INPP4B: variants seen among roughly 807,000 people sequenced by gnomAD.
The protein encoded by INPP4B is inositol polyphosphate-4-phosphatase type II B, also known as inositol polyphosphate 4-phosphatase type II.
INPP4B carries 55 observed loss-of-function variants against 122.5 expected under a neutral mutation model. The observed-to-expected ratio is 0.45, with a 90% CI of 0.36 to 0.56. The LOEUF is 0.56. Among genes scored for constraint, INPP4B ranks in the 20% least tolerant of loss-of-function variants. The pLI is 0.00. For missense variants in INPP4B, 1,000 were observed against 1,097.7 expected, an observed-to-expected ratio of 0.91 and a Z score of 1.26; for synonymous variants, 403 against 388.7, an observed-to-expected ratio of 1.04 and a Z score of -0.43.
At chr4:142,377,577 G>C (rs1792420421) in intron 7 of INPP4B, among the ~76,000 whole-genome samples, 1 of 152,026 alleles carries the variant, frequency 6.6e-6, no homozygotes, top group Admixed American at 6.6e-5. Context: ...GGCTCAAGAA[G>C]ACACAACCAT....
At chr4:142,527,518 G>A (rs1266120585) in intron 2 of INPP4B, among the ~76,000 whole-genome samples, 9 of 152,018 alleles carry the variant, frequency 5.9e-5, no homozygotes, top group Admixed American at 1.3e-4. Flanking sequence ...GTGAAGCAAC[G>A]TTTCAACAGT....
rs144009268 is a variant in INPP4B, at chr4:142,131,248, T to C, written c.1721-6488A>G. Among the ~76,000 whole-genome samples the C allele has an allele frequency of 4.5e-3, 685 of 152,304 alleles. 18 individuals are homozygous for C. The highest frequency in any genetic ancestry group is 0.039 in the Admixed American group (598 of 15,286). On this transcript the variant is annotated intron_variant, in intron 18 of 25. Transcript: ENST00000262992. ...TTTGAGCAACCTGAAATTATCAATATGTCTACATCAGTGAGCTCCTGTCAT... is the reference window on the plus strand; with the variant it reads ...TTTGAGCAACCTGAAATTATCAATACGTCTACATCAGTGAGCTCCTGTCAT...
At chr4:142,602,340 A>C (rs1003832973) in intron 2 of INPP4B, among the ~76,000 whole-genome samples, 4 of 152,304 alleles carry the variant, frequency 2.6e-5, no homozygotes, top group Middle Eastern at 3.4e-3. Flanking sequence ...GAGGACACAA[A>C]TAGAAAAACA....
chr4:142,366,780 T>C (rs1476410893), intron 7 of INPP4B, among the ~76,000 whole-genome samples: 1 of 152,132 alleles, frequency 6.6e-6, no homozygotes, highest in Non-Finnish European at 1.5e-5. Flanking sequence ...TTTGTCAGTA[T>C]CTCTGTCAGC....
At chr4:142,496,768 T>G (rs1822625503) in intron 2 of INPP4B, 1 of 152,192 alleles carries the variant, frequency 6.6e-6, no homozygotes, top group Non-Finnish European at 1.5e-5. Flanking sequence ...TACTCATGCT[T>G]TCAATTATTC....
At chr4:142,554,651 G>A (rs1233178903) in intron 2 of INPP4B, among the ~76,000 whole-genome samples, 1 of 152,134 alleles carries the variant, frequency 6.6e-6, no homozygotes, top group African/African-American at 2.4e-5. Context: ...TTAAACTAGT[G>A]TCTTTGTGTT....
intron 2 of INPP4B, among the ~76,000 whole-genome samples, chr4:142,498,274 T>C (rs2149809491): frequency 6.6e-6 from 1 of 151,634 alleles, no homozygotes; most frequent in East Asian, 2.0e-4. Flanking sequence ...AATAAGTCAG[T>C]GTCAAAAATG....
At chr4:142,098,542 G>C (rs376639441) in intron 23 of INPP4B, among the ~76,000 whole-genome samples, 17 of 152,068 alleles carry the variant, frequency 1.1e-4, no homozygotes, top group Non-Finnish European at 1.8e-4. Context: ...AGGTAAGAAG[G>C]GTTTTGCACA....
intron 2 of INPP4B, among the ~76,000 whole-genome samples, chr4:142,560,947 T>C (rs912040163): frequency 3.9e-5 from 6 of 152,210 alleles, no homozygotes; most frequent in African/African-American, 1.2e-4. Context: ...CAGTCTCACA[T>C]AGGTTGATAA....
intron 1 of INPP4B, among the ~76,000 whole-genome samples, chr4:142,804,538 G>A (rs992812696): frequency 2.0e-5 from 3 of 152,072 alleles, no homozygotes; most frequent in South Asian, 4.1e-4. Flanking sequence ...AGTTACAACC[G>A]TCCTACCCTC....
At chr4:142,778,484 A>G (rs1184398816) in intron 1 of INPP4B, among the ~76,000 whole-genome samples, 1 of 152,196 alleles carries the variant, frequency 6.6e-6, no homozygotes, top group Non-Finnish European at 1.5e-5. Context: ...AAATTCTGAA[A>G]CATCTCAAGG....
At chr4:142,519,326 T>C (rs1424106726) in intron 2 of INPP4B, among the ~76,000 whole-genome samples, 1 of 152,184 alleles carries the variant, frequency 6.6e-6, no homozygotes, top group African/African-American at 2.4e-5. Context: ...ATGTTTAATC[T>C]TCATTAATAT....
intron 14 of INPP4B, among the ~76,000 whole-genome samples, chr4:142,202,380 G>A (rs984277207): frequency 3.9e-5 from 6 of 152,056 alleles, no homozygotes; most frequent in Non-Finnish European, 8.8e-5. Flanking sequence ...ATTTCAAAAT[G>A]GCATGTAATA....
chr4:142,057,819 A>G (rs1758500598), intron 25 of INPP4B, among the ~76,000 whole-genome samples: 1 of 152,140 alleles, frequency 6.6e-6, no homozygotes, highest in Admixed American at 6.6e-5. Context: ...CAGTGCCTAC[A>G]ATTTAGCAAA....
chr4:142,705,561 C>A (rs1199759743), intron 2 of INPP4B, among the ~76,000 whole-genome samples: 1 of 151,742 alleles, frequency 6.6e-6, no homozygotes, highest in Non-Finnish European at 1.5e-5. Flanking sequence ...ATTCTACCAC[C>A]CTCGATCATA....
At chr4:142,499,856 C>T (rs1452988532) in intron 2 of INPP4B, among the ~76,000 whole-genome samples, 2 of 152,108 alleles carry the variant, frequency 1.3e-5, no homozygotes, top group Non-Finnish European at 2.9e-5. Context: ...TATAAACTCC[C>T]TACCTTTACT....
At chr4:142,094,322 C>A (rs1201350501) in intron 23 of INPP4B, among the ~76,000 whole-genome samples, 1 of 152,154 alleles carries the variant, frequency 6.6e-6, no homozygotes, top group African/African-American at 2.4e-5. Flanking sequence ...ACTCAAGTGG[C>A]CTAGGTGCTG....
At chr4:142,255,470 C>G (rs2150290868) in intron 11 of INPP4B, among the ~76,000 whole-genome samples, 1 of 152,190 alleles carries the variant, frequency 6.6e-6, no homozygotes, top group African/African-American at 2.4e-5. Flanking sequence ...ATCTCACATG[C>G]AGACACACAC....
chr4:142,568,540 C>T (rs1387044357), intron 2 of INPP4B, among the ~76,000 whole-genome samples: 1 of 152,112 alleles, frequency 6.6e-6, no homozygotes, highest in East Asian at 1.9e-4. Context: ...ATATCATGTA[C>T]ATATCTAAGT....
Sources: gnomAD v4.1 joint callset for allele counts (sites outside exome capture counted in the v4.1 genomes callset) on GRCh38, gnomAD v4.1.1 for gene constraint, MANE v1.5 for transcripts, NCBI Gene and HGNC (gene_info 2026-07-23, HGNC 2026-07-21) for gene names.